The following ELOVL5 variants were observed in gnomAD, a reference collection of about 807,000 sequenced individuals.
ELOVL5 encodes the protein ELOVL fatty acid elongase 5.
In ELOVL5, 8 loss-of-function variants were observed where a neutral mutation model predicts 38.6. That is an observed-to-expected ratio of 0.21 (90% CI 0.12 to 0.37). The LOEUF is 0.37. Among genes scored for constraint, ELOVL5 ranks in the 10% least tolerant of loss-of-function variants. The probability of loss-of-function intolerance (pLI) is 1.00; values close to 1 mark genes in which losing one functional copy is unlikely to be tolerated. For synonymous variants in ELOVL5, 127 were observed against 133.7 expected, an observed-to-expected ratio of 0.95 and a Z score of 0.34; for missense variants, 280 against 367.8, an observed-to-expected ratio of 0.76 and a Z score of 1.95.
At chr6:53,344,535 G>C (rs542789259) in intron 1 of ELOVL5, among the ~76,000 whole-genome samples, 1 of 152,166 alleles carries the variant, frequency 6.6e-6, no homozygotes, top group Non-Finnish European at 1.5e-5. Context: ...GAGCAGGCCA[G>C]GGTGTCAAGG....
At chr6:53,325,910 T>A (rs1248453495) in intron 1 of ELOVL5, among the ~76,000 whole-genome samples, 1 of 152,188 alleles carries the variant, frequency 6.6e-6, no homozygotes, top group Non-Finnish European at 1.5e-5. Context: ...TTAAGGCACA[T>A]TAAAACGTGA....
At chr6:53,312,444 A>G (rs1481286197) in intron 1 of ELOVL5, among the ~76,000 whole-genome samples, 1 of 152,248 alleles carries the variant, frequency 6.6e-6, no homozygotes. Flanking sequence ...CCATCCATTT[A>G]TAAAACACTT....
intron 1 of ELOVL5, among the ~76,000 whole-genome samples, chr6:53,311,126 G>A (rs144860923): frequency 6.6e-6 from 1 of 152,152 alleles, no homozygotes; most frequent in East Asian, 1.9e-4. Flanking sequence ...TGGCAGGAGA[G>A]GTAGGCAGTT....
Position 53,348,905 on chromosome 6 carries a change from A to C in ELOVL5, c.-97T>G, listed in dbSNP as rs767448086. Reference sequence around the variant, plus strand: ...CGGGTGGCAGCCGGCGCAGAGGCGGATGTAGAAGGAGACACCGGTGGCTAG... The same window carrying C: ...CGGGTGGCAGCCGGCGCAGAGGCGGCTGTAGAAGGAGACACCGGTGGCTAG... On this transcript the variant is annotated 5_prime_UTR_variant, in exon 1 of 8. Coordinates refer to ENST00000304434, the MANE Select transcript of ELOVL5 (RefSeq NM_021814.5). The C allele has an allele frequency of 4.4e-6, 2 of 451,730 alleles. No individual in the cohort carries two copies. The highest frequency in any genetic ancestry group is 4.7e-5 in the Admixed American group (2 of 42,124). The allele number at this position is 451,730 out of a possible 1,614,324, so 28.0% of individuals were successfully genotyped here. A position where few individuals can be genotyped will look rare whatever the true frequency, so the allele number is the denominator to read the frequency against.
At chr6:53,323,076 T>A (rs968316451) in intron 1 of ELOVL5, among the ~76,000 whole-genome samples, 1 of 152,212 alleles carries the variant, frequency 6.6e-6, no homozygotes, top group African/African-American at 2.4e-5. Flanking sequence ...CCTGCACTTG[T>A]TGGAAAATGG....
At chr6:53,347,700 G>A (rs560143752) in intron 1 of ELOVL5, among the ~76,000 whole-genome samples, 1 of 152,230 alleles carries the variant, frequency 6.6e-6, no homozygotes. Context: ...ACCATGCACT[G>A]GATTCTTCCG....
At chr6:53,271,713 C>A (rs1199611462) in intron 6 of ELOVL5, among the ~76,000 whole-genome samples, 1 of 152,192 alleles carries the variant, frequency 6.6e-6, no homozygotes, top group African/African-American at 2.4e-5. Context: ...TCTACCTCAG[C>A]CTCCCGAGTG....
intron 1 of ELOVL5, among the ~76,000 whole-genome samples, chr6:53,343,665 C>T (rs750543204): frequency 1.3e-5 from 2 of 152,170 alleles, no homozygotes; most frequent in African/African-American, 2.4e-5. Flanking sequence ...GACCAATGCT[C>T]AGAGTTGATT....
intron 1 of ELOVL5, among the ~76,000 whole-genome samples, chr6:53,332,549 T>C (rs546352427): frequency 1.9e-4 from 29 of 152,042 alleles, no homozygotes; most frequent in African/African-American, 6.8e-4. Context: ...TACAAACATA[T>C]ACACAGAACG....
chr6:53,305,342 C>T (rs1767463138), intron 1 of ELOVL5, among the ~76,000 whole-genome samples: 2 of 133,666 alleles, frequency 1.5e-5, no homozygotes, highest in African/African-American at 6.2e-5. Context: ...ACCCCCCCAC[C>T]TCCCTCCCGG....
At chr6:53,335,520 T>C (rs1251214009) in intron 1 of ELOVL5, among the ~76,000 whole-genome samples, 1 of 152,158 alleles carries the variant, frequency 6.6e-6, no homozygotes, top group East Asian at 1.9e-4. Context: ...CAGTCTGATT[T>C]AGGTGTCCTT....
chr6:53,284,674 C>G (rs778270209), intron 3 of ELOVL5, among the ~76,000 whole-genome samples: 2 of 152,202 alleles, frequency 1.3e-5, no homozygotes, highest in Non-Finnish European at 2.9e-5. Flanking sequence ...AGGTCTGTGG[C>G]AACTCTGCAT....
At chr6:53,301,585 G>C (rs193243415) in intron 1 of ELOVL5, among the ~76,000 whole-genome samples, 1 of 152,122 alleles carries the variant, frequency 6.6e-6, no homozygotes, top group East Asian at 1.9e-4. Flanking sequence ...GGGCTTCCCA[G>C]AATTACAGGT....
chr6:53,313,551 G>A, intron 1 of ELOVL5, among the ~76,000 whole-genome samples: 1 of 151,916 alleles, frequency 6.6e-6, no homozygotes, highest in East Asian at 1.9e-4. Flanking sequence ...ATGTAGAGAA[G>A]GAGTCTCGCT....
At position 53,302,733 on chromosome 6, in the gene ELOVL5, G is replaced by C. The variant is rs145820097; in HGVS notation, c.-8-7026C>G. ...CAGGCTGTTTGCTGACTCTAAAACAGTAAAGATATTTTTAGGGCCAAGTCT... is the reference window on the plus strand; with the variant it reads ...CAGGCTGTTTGCTGACTCTAAAACACTAAAGATATTTTTAGGGCCAAGTCT... On this transcript the variant is annotated intron_variant, in intron 1 of 7. Coordinates refer to ENST00000304434, the MANE Select transcript of ELOVL5 (RefSeq NM_021814.5). 6.6e-5 allele frequency among the ~76,000 whole-genome samples: 10 copies of C among 152,100 alleles called. No homozygotes were observed. The East Asian group carries it at 1.9e-3, about 29-fold the overall frequency.
chr6:53,345,881 A>T (rs781492450), intron 1 of ELOVL5, among the ~76,000 whole-genome samples: 1 of 152,216 alleles, frequency 6.6e-6, no homozygotes, highest in Non-Finnish European at 1.5e-5. Flanking sequence ...TCTAGGCCTT[A>T]ATCCTAGAGA....
At chr6:53,341,972 C>T (rs538174260) in intron 1 of ELOVL5, among the ~76,000 whole-genome samples, 13 of 152,190 alleles carry the variant, frequency 8.5e-5, no homozygotes, top group Non-Finnish European at 1.9e-4. Flanking sequence ...GCCCACGCAG[C>T]TGTTAAGTGG....
At chr6:53,278,837 C>T (rs1286824404) in intron 3 of ELOVL5, among the ~76,000 whole-genome samples, 4 of 152,174 alleles carry the variant, frequency 2.6e-5, no homozygotes, top group Non-Finnish European at 5.9e-5. Flanking sequence ...CACTGAATTC[C>T]ATATTTCCAT....
chr6:53,333,424 T>C (rs1204447739), intron 1 of ELOVL5, among the ~76,000 whole-genome samples: 1 of 152,224 alleles, frequency 6.6e-6, no homozygotes, highest in Non-Finnish European at 1.5e-5. Context: ...GAAAAAATCA[T>C]GACTGTTTAT....
Sources: allele counts gnomAD v4.1 joint callset (sites outside exome capture counted in the v4.1 genomes callset), GRCh38; gene constraint gnomAD v4.1.1; transcripts MANE v1.5; gene names NCBI Gene and HGNC (gene_info 2026-07-23, HGNC 2026-07-21).